Variants in FOXF2 observed in about 807,000 individuals in gnomAD.
The protein encoded by FOXF2 is forkhead box protein F2.
Under a neutral mutation model 29.1 loss-of-function variants are expected in FOXF2, and 15 were observed. The observed-to-expected ratio is 0.52, with a 90% CI of 0.35 to 0.79. The LOEUF (loss-of-function observed/expected upper bound fraction) is 0.79. FOXF2 is among the 30% of genes least tolerant of loss of function. The probability of loss-of-function intolerance (pLI) is 0.01; values close to 1 mark genes in which losing one functional copy is unlikely to be tolerated. For missense variants in FOXF2, 675 were observed against 667.1 expected (o/e 1.01, Z -0.13); for synonymous variants, 337 against 316.5 (o/e 1.06, Z -0.69).
At chr6:1,393,368 T>C (rs907488796) in intron 1 of FOXF2, among the ~76,000 whole-genome samples, 4 of 151,684 alleles carry the variant, frequency 2.6e-5, no homozygotes, top group African/African-American at 9.7e-5. Context: ...TGGGCAGGTG[T>C]GAGCGCTCGC....
chr6:1,389,974 G>A lies in FOXF2; in HGVS notation c.27G>A (p.Pro9=), dbSNP rs756146912. The part of the protein sequence containing the change: MTTEGGPP[P]APLRRACSPV... ...TGACCACCGAGGGCGGGCCGCCGCC[G>A]GCCCCGCTCCGCCGCGCGTGCAGCC... Residue 9 remains proline (P), a synonymous_variant, in exon 1 of 2, where the codon CCG becomes CCA. Transcript: ENST00000645481. The A allele has an allele frequency of 8.0e-6, 8 of 1,003,504 alleles. No homozygotes were observed. Among genetic ancestry groups the A allele is most frequent in the Non-Finnish European group, 1.2e-6 (1 of 843,676 alleles). The allele number at this position is 1,003,504 out of a possible 1,614,324, so 62.2% of individuals were successfully genotyped here. A position where few individuals can be genotyped will look rare whatever the true frequency, so the allele number is the denominator to read the frequency against.
rs1222098625 is a variant in FOXF2, at chr6:1,390,116, G to A, written c.169G>A (p.Ala57Thr). The A allele has an allele frequency of 2.6e-5, 38 of 1,436,494 alleles. No homozygotes were observed. The highest frequency in any genetic ancestry group is 3.1e-5 in the Non-Finnish European group (34 of 1,081,122). 89.0% of individuals were successfully genotyped at this position (1,436,494 alleles called of 1,614,324 possible). The part of the protein sequence containing the change: ...SSSSSSSASC[A>T]SSSSSSNSAS... Reference sequence around the variant, plus strand: ...CTCGTCGTCGTCCTCCGCCTCCTGCGCCTCGTCCTCGTCCTCCTCCAATTC... The same window carrying A: ...CTCGTCGTCGTCCTCCGCCTCCTGCACCTCGTCCTCGTCCTCCTCCAATTC... Residue 57 changes from alanine to threonine, a missense_variant, in exon 1 of 2, where the codon GCC (alanine) becomes ACC (threonine). Physicochemically the swap from Ala to Thr is moderately conservative, Grantham distance 58. Coordinates refer to ENST00000645481, the MANE Select transcript of FOXF2 (RefSeq NM_001452.2). This position sits in a 1 kb window ranked among gnomAD's most constrained non-coding sequence, Gnocchi z 8.5.
chr6:1,390,997 G>T lies in FOXF2; in HGVS notation c.1050G>T (p.Lys350Asn). Reference sequence around the variant, plus strand: ...CGCCTGGCGCCTCGCCTTACCTCAAGCAGCCGCCTGCCCTGACGCCCAGCA... The same window carrying T: ...CGCCTGGCGCCTCGCCTTACCTCAATCAGCCGCCTGCCCTGACGCCCAGCA... ...WSSPGASPYL[K>N]QPPALTPSSN... is the part of the protein sequence containing the mutation. The change falls in exon 1 of 2, where the codon AAG becomes AAT. Residue 350 changes from lysine (K) to asparagine (N), a missense_variant. This residue lies in a region of FOXF2 where 451 missense variants were observed against 437.2 expected (regional missense o/e 1.03). Transcript: ENST00000645481. The surrounding 1 kb of genome is among the most constrained non-coding windows in gnomAD (Gnocchi z 8.5). The T allele has an allele frequency of 6.3e-7, 1 of 1,596,676 alleles. No homozygotes were observed.
In FOXF2 at chr6:1,390,400, T is replaced by C; in HGVS notation, c.453T>C (p.Asn151=). The change falls in exon 1 of 2, where the codon AAT becomes AAC. Residue 151 remains asparagine (N), a synonymous_variant. Transcript: ENST00000645481. The surrounding 1 kb of genome is among the most constrained non-coding windows in gnomAD (Gnocchi z 8.5). ...YQGWKNSVRH[N]LSLNECFIKL... ...GCTGGAAGAACTCGGTGCGCCACAA[T>C]CTCTCGCTCAACGAGTGCTTCATCA... 6.2e-7 allele frequency: 1 copy of C among 1,611,814 alleles called. No individual in the cohort carries two copies. Among genetic ancestry groups the C allele is most frequent in the South Asian group, 1.1e-5 (1 of 91,084 alleles).
intron 1 of FOXF2, among the ~76,000 whole-genome samples, chr6:1,394,099 C>T (rs550761268): frequency 6.6e-6 from 1 of 152,348 alleles, no homozygotes; most frequent in Non-Finnish European, 1.5e-5. Flanking sequence ...AAGATGCCTG[C>T]GGAGGGGCAG....
At position 1,394,808 on chromosome 6, in the gene FOXF2, T is replaced by A. The variant is rs2293783; in HGVS notation, c.1284T>A (p.Tyr428Ter). 9 of 1,613,962 alleles carry A rather than the reference T, an allele frequency of 5.6e-6. No individual in the cohort carries two copies. The highest frequency in any genetic ancestry group is 7.6e-6 in the Non-Finnish European group (9 of 1,179,958). The change falls in exon 2 of 2, where the codon TAT becomes TAA. Residue 428 changes from tyrosine (Y) to a stop codon, truncating the protein, a stop_gained. Transcript: ENST00000645481. LOFTEE classifies it high-confidence loss of function. ...ATCCCTCAGCTAGCGGGTCGTATTA[T>A]CACCATCACCACCAGAGCGTCTGTC... ...SFHPSASGSY[Y>*]HHHHQSVCQD... is the part of the protein sequence containing the mutation.
chr6:1,392,434 TCACACACACACACACACA>T lies in FOXF2; in HGVS notation c.1171+1342_1171+1359del, dbSNP rs71738664. Among the ~76,000 whole-genome samples, 48 of 107,772 alleles carry T rather than the reference TCACACACACACACACACA, an allele frequency of 4.5e-4. 1 individual carries two copies. The highest frequency in any genetic ancestry group is 1.5e-3 in the African/African-American group (44 of 29,494). The allele number at this position is 107,772 out of a possible 152,430, so 70.7% of individuals were successfully genotyped here. On this transcript the variant is annotated intron_variant, in intron 1 of 1. Transcript: ENST00000645481. ...TGTATTCCCTTGGACCGGCTGTCAA[TCACACACACACACACACA>T]CACACACACACACACACACACACAC...
rs912450368 is a variant in FOXF2 at position 1,394,695 on chromosome 6, G to A, written c.1172-1G>A. On this transcript the variant is annotated splice_acceptor_variant, in intron 1 of 1. Coordinates refer to ENST00000645481, the MANE Select transcript of FOXF2 (RefSeq NM_001452.2). LOFTEE classifies it high-confidence loss of function. ...AGGTTTTTTTTTCTTTCTTCTTTCA[G>A]TGGGACTGCCCCGTTACCAGCATCA... The A allele has an allele frequency of 3.2e-5, 51 of 1,613,970 alleles. No individual in the cohort carries two copies. The highest frequency in any genetic ancestry group is 4.2e-5 in the Non-Finnish European group (49 of 1,179,982).
rs2113368959 is a variant in FOXF2, at chr6:1,391,086, A to G, written c.1139A>G (p.Tyr380Cys). 6.2e-7 allele frequency: 1 copy of G among 1,603,856 alleles called. No individual in the cohort carries two copies. Among genetic ancestry groups the G allele is most frequent in the East Asian group, 2.2e-5 (1 of 44,858 alleles). ...SMSSYSLEQS[Y>C]LHQNAREDLS... is the part of the protein sequence containing the mutation. ...TCCTCCTACTCGCTGGAGCAGAGCT[A>G]CTTGCACCAGAACGCTCGCGAGGAC... The change falls in exon 1 of 2, where the codon TAC (tyrosine) becomes TGC (cysteine). Residue 380 changes from tyrosine (Y) to cysteine (C), a missense_variant. Physicochemically the swap from Tyr to Cys is radical, Grantham distance 194. Around this residue, in one of 3 missense-constraint regions of FOXF2, gnomAD observed 451 missense variants for 437.2 expected, o/e 1.03. Transcript: ENST00000645481.
intron 1 of FOXF2, among the ~76,000 whole-genome samples, chr6:1,394,120 G>A (rs185714101): frequency 6.6e-6 from 1 of 152,368 alleles, no homozygotes; most frequent in Admixed American, 6.5e-5. Flanking sequence ...GAGAAGAGGC[G>A]TGCTTTTCTG....
chr6:1,391,210 C>T, intron 1 of FOXF2, 92 bp downstream of exon 1: 1 of 1,561,798 alleles, frequency 6.4e-7, no homozygotes, highest in Non-Finnish European at 8.6e-7. Flanking sequence ...AACAGGGACC[C>T]CGAAGCTAGG....
rs199606504 is a variant in FOXF2, at chr6:1,391,053, C to G, written c.1106C>G (p.Ser369Cys). The change falls in exon 1 of 2, where the codon TCC becomes TGC. Residue 369 changes from serine (S) to cysteine (C), a missense_variant. Ser to Cys is a moderately radical substitution (Grantham distance 112, BLOSUM62 -1). Around this residue, in one of 3 missense-constraint regions of FOXF2, gnomAD observed 451 missense variants for 437.2 expected, o/e 1.03. Coordinates refer to ENST00000645481, the MANE Select transcript of FOXF2 (RefSeq NM_001452.2). ...SNPAASAGLH[S>C]SMSSYSLEQS... Reference sequence around the variant, plus strand: ...CCCGCCGCCTCGGCAGGCCTGCACTCCAGCATGTCCTCCTACTCGCTGGAG... The same window carrying G: ...CCCGCCGCCTCGGCAGGCCTGCACTGCAGCATGTCCTCCTACTCGCTGGAG... The G allele has an allele frequency of 1.6e-5, 26 of 1,602,574 alleles. No homozygotes were observed. In the Admixed American group the frequency reaches 2.3e-4, roughly 14 times the overall value.
At position 1,390,678 on chromosome 6, in the gene FOXF2, G is replaced by T; in HGVS notation, c.731G>T (p.Gly244Val). The change falls in exon 1 of 2, where the codon GGC becomes GTC. Residue 244 changes from glycine (G) to valine (V), a missense_variant. Transcript: ENST00000645481. The surrounding 1 kb of genome is among the most constrained non-coding windows in gnomAD (Gnocchi z 8.5). ...GGCTGCCACAGCCAGGGCGGCTACG[G>T]CGGCCTCGACATGATGCCCGCGGGC... The part of the protein sequence containing the change: ...PLGCHSQGGY[G>V]GLDMMPAGYD... 1 of 1,532,292 alleles carries T rather than the reference G, an allele frequency of 6.5e-7. No individual in the cohort carries two copies. Among genetic ancestry groups the T allele is most frequent in the African/African-American group, 1.4e-5 (1 of 70,686 alleles). 94.9% of individuals were successfully genotyped at this position (1,532,292 alleles called of 1,614,324 possible).
At position 1,390,226 on chromosome 6, in the gene FOXF2, G is replaced by T; in HGVS notation, c.279G>T (p.Ser93=). 1 of 1,588,186 alleles carries T rather than the reference G, an allele frequency of 6.3e-7. No individual in the cohort carries two copies. Among genetic ancestry groups the T allele is most frequent in the Non-Finnish European group, 8.5e-7 (1 of 1,170,222 alleles). The change falls in exon 1 of 2, where the codon TCG becomes TCT. Residue 93 remains serine (S), a synonymous_variant. Transcript: ENST00000645481. The surrounding 1 kb of genome is among the most constrained non-coding windows in gnomAD (Gnocchi z 8.5). The part of the protein sequence containing the change: ...AGSGGAKKAS[S]GLRRPEKPPY... ...GCGGGGGCGCCAAGAAGGCGAGCTC[G>T]GGGCTGCGGCGGCCCGAGAAGCCGC... is the stretch of plus-strand genomic sequence containing the variant.
Position 1,390,834 on chromosome 6 carries a change from G to T in FOXF2, c.887G>T (p.Gly296Val). Residue 296 changes from glycine to valine, a missense_variant, in exon 1 of 2, where the codon GGC becomes GTC. Transcript: ENST00000645481. The surrounding 1 kb of genome is among the most constrained non-coding windows in gnomAD (Gnocchi z 8.5). ...TGCCCGGTGCCCGCGGGACCCGGGG[G>T]CGTCGGTGCGGCCGGGGGCGGCGGC... The part of the protein sequence containing the change: ...ASCPVPAGPG[G>V]VGAAGGGGGG... 1 of 1,388,960 alleles carries T rather than the reference G, an allele frequency of 7.2e-7. No homozygotes were observed. 86.0% of individuals were successfully genotyped at this position (1,388,960 alleles called of 1,614,324 possible).
chr6:1,392,765 G>C (rs732835), intron 1 of FOXF2, among the ~76,000 whole-genome samples: 28,539 of 152,194 alleles, frequency 0.19, 3,028 homozygotes, highest in Middle Eastern at 0.32. Context: ...TGTCTTGGAG[G>C]GGGTGAAAAC....
At chr6:1,394,412 A>C (rs77393595) in intron 1 of FOXF2, among the ~76,000 whole-genome samples, 1 of 152,170 alleles carries the variant, frequency 6.6e-6, no homozygotes, top group African/African-American at 2.4e-5. Context: ...CCCCAGCCTC[A>C]GAGAATAAAA....
At position 1,395,206 on chromosome 6, in the gene FOXF2, G is replaced by A. The variant is rs1237147357; in HGVS notation, c.*347G>A. ...GGTGTGAAAAAAGCAGACAAGTTGT[G>A]TGTGTGTGTGTGTGTCTAAGAAAAC... On this transcript the variant is annotated 3_prime_UTR_variant, in exon 2 of 2. Coordinates refer to ENST00000645481, the MANE Select transcript of FOXF2 (RefSeq NM_001452.2). 9.8e-6 allele frequency: 3 copies of A among 305,878 alleles called. No homozygotes were observed. Among genetic ancestry groups the A allele is most frequent in the South Asian group, 4.3e-5 (1 of 23,052 alleles). 18.9% of individuals were successfully genotyped at this position (305,878 alleles called of 1,614,324 possible). A position where few individuals can be genotyped will look rare whatever the true frequency, so the allele number is the denominator to read the frequency against.
intron 1 of FOXF2, among the ~76,000 whole-genome samples, chr6:1,393,392 G>A (rs1416658787): frequency 2.0e-5 from 3 of 151,760 alleles, no homozygotes; most frequent in Non-Finnish European, 4.4e-5. Context: ...CTCTCCTCCC[G>A]AGCCTGCTAT....
Sources: gnomAD v4.1 joint callset for allele counts (sites outside exome capture counted in the v4.1 genomes callset) on GRCh38, gnomAD v4.1.1 for gene constraint, gnomAD v4.1.1 regional missense constraint, Gnocchi (gnomAD v3.1) non-coding constraint, MANE v1.5 for transcripts, NCBI Gene and HGNC (gene_info 2026-07-23, HGNC 2026-07-21) for gene names.